DCLK1: variants seen among roughly 807,000 people sequenced by gnomAD.
DCLK1 encodes serine/threonine-protein kinase DCLK1.
DCLK1 carries 16 observed loss-of-function variants against 86.2 expected under a neutral mutation model. The ratio of observed to expected loss-of-function variants is 0.19; its 90% CI spans 0.13 to 0.28. DCLK1 has a LOEUF of 0.28. DCLK1 is among the 10% of genes least tolerant of loss of function. The pLI, the probability that DCLK1 is intolerant of heterozygous loss-of-function variation, is 1.00. For missense variants in DCLK1, 590 were observed against 940.2 expected (o/e 0.63, Z 4.87); for synonymous variants, 369 against 370.5 (o/e 1.00, Z 0.05).
intron 2 of DCLK1, 89 bp downstream of exon 2, chr13:36,125,673 G>C (rs1886145973): frequency 6.6e-7 from 1 of 1,509,838 alleles, no homozygotes; most frequent in Non-Finnish European, 8.8e-7. Flanking sequence ...AATGTCAACT[G>C]TCAGAGGGCA....
At chr13:35,844,748 AT>A (rs1279413167) in intron 6 of DCLK1, among the ~76,000 whole-genome samples, 2 of 152,228 alleles carry the variant, frequency 1.3e-5, no homozygotes, top group Non-Finnish European at 2.9e-5. Context: ...ACAATTTGAA[AT>A]TTTTATAAAT....
At chr13:35,834,874 T>C (rs560230478) in intron 8 of DCLK1, among the ~76,000 whole-genome samples, 1 of 152,258 alleles carries the variant, frequency 6.6e-6, no homozygotes, top group South Asian at 2.1e-4. Flanking sequence ...TAGAACAAGG[T>C]TTGAGATCCT....
intron 3 of DCLK1, among the ~76,000 whole-genome samples, chr13:35,977,465 A>C (rs1336613876): frequency 6.6e-6 from 1 of 152,224 alleles, no homozygotes; most frequent in Non-Finnish European, 1.5e-5. Flanking sequence ...AATGACTATC[A>C]CGAAGCCCTT....
chr13:35,937,508 TG>T (rs1393440677), intron 4 of DCLK1, among the ~76,000 whole-genome samples: 2 of 152,062 alleles, frequency 1.3e-5, no homozygotes, highest in Non-Finnish European at 2.9e-5. Context: ...CATGCTACAT[TG>T]GGATCTAGCT....
Position 36,080,197 on chromosome 13 carries a change from G to A in DCLK1, c.723+31672C>T, listed in dbSNP as rs117749384. On this transcript the variant is annotated intron_variant, in intron 3 of 16. Transcript: ENST00000360631. ...AGGTAACTGAGAGTTAATGAAGAAG[G>A]AAGGTGAGAAAGGAGAGCAAGGCCT... Among the ~76,000 whole-genome samples the A allele has an allele frequency of 4.0e-4, 61 of 152,312 alleles. 3 individuals carry two copies. In the East Asian group the frequency reaches 0.012, roughly 29 times the overall value.
intron 16 of DCLK1, among the ~76,000 whole-genome samples, chr13:35,776,492 G>C (rs2086427067): frequency 6.6e-6 from 1 of 152,194 alleles, no homozygotes; most frequent in South Asian, 2.1e-4. Flanking sequence ...ATGTGGGGAA[G>C]AAAAGCACAT....
At chr13:35,886,641 G>A (rs1223527986) in intron 4 of DCLK1, among the ~76,000 whole-genome samples, 6 of 152,118 alleles carry the variant, frequency 3.9e-5, no homozygotes, top group African/African-American at 7.2e-5. Flanking sequence ...TAGGCTGCTC[G>A]TTGAAGAAAG....
At chr13:35,786,955 A>C (rs903319706) in intron 16 of DCLK1, among the ~76,000 whole-genome samples, 1 of 152,082 alleles carries the variant, frequency 6.6e-6, no homozygotes, top group African/African-American at 2.4e-5. Context: ...GGAAATGATC[A>C]TGATTTTAGT....
intron 4 of DCLK1, among the ~76,000 whole-genome samples, chr13:35,940,014 T>A (rs1876990895): frequency 1.3e-5 from 2 of 151,978 alleles, no homozygotes; most frequent in Admixed American, 1.3e-4. Context: ...ATATTAAACG[T>A]CTGTATGGAT....
intron 6 of DCLK1, chr13:35,848,926 CT>C: frequency 1.0e-6 from 1 of 985,308 alleles, no homozygotes; most frequent in Non-Finnish European, 1.2e-6. Flanking sequence ...ATAAAGCAGC[CT>C]TTTGATCTCA....
chr13:35,890,314 C>T (rs903886694), intron 4 of DCLK1, among the ~76,000 whole-genome samples: 19 of 151,980 alleles, frequency 1.3e-4, no homozygotes, highest in Admixed American at 2.6e-4. Context: ...ATGTGTTTTC[C>T]GGTATAAAAA....
chr13:36,028,056 G>A lies in DCLK1; in HGVS notation c.724-80599C>T, dbSNP rs572036315. ...AAATACCTATATTCTGTTGTTTGTT[G>A]TGATTCATATTTGATTTTTAAGTTA... On this transcript the variant is annotated intron_variant, in intron 3 of 16. Coordinates refer to ENST00000360631, the MANE Select transcript of DCLK1 (RefSeq NM_001330071.2). Among the ~76,000 whole-genome samples the A allele has an allele frequency of 1.1e-4, 17 of 152,246 alleles. No individual in the cohort carries two copies. The South Asian group carries it at 3.5e-3, about 32-fold the overall frequency.
chr13:35,914,046 G>A (rs1875214500), intron 4 of DCLK1, among the ~76,000 whole-genome samples: 1 of 152,092 alleles, frequency 6.6e-6, no homozygotes. Flanking sequence ...GGCTGGGCAC[G>A]ATGGCTCATG....
At chr13:36,056,535 G>A (rs1319532500) in intron 3 of DCLK1, among the ~76,000 whole-genome samples, 2 of 137,674 alleles carry the variant, frequency 1.5e-5, no homozygotes, top group East Asian at 4.3e-4. Flanking sequence ...GTTAGTGGGT[G>A]CAGCGCACCA....
At chr13:36,073,945 A>C (rs1170335808) in intron 3 of DCLK1, among the ~76,000 whole-genome samples, 1 of 152,162 alleles carries the variant, frequency 6.6e-6, no homozygotes, top group Non-Finnish European at 1.5e-5. Flanking sequence ...TTCTATAAGA[A>C]CTATAATATC....
chr13:35,898,317 G>A (rs1308955755), intron 4 of DCLK1, among the ~76,000 whole-genome samples: 1 of 152,184 alleles, frequency 6.6e-6, no homozygotes, highest in Non-Finnish European at 1.5e-5. Flanking sequence ...TCCCGGAAAA[G>A]CTACAGGAAA....
chr13:36,091,354 T>C (rs1884821737), intron 3 of DCLK1, among the ~76,000 whole-genome samples: 1 of 152,124 alleles, frequency 6.6e-6, no homozygotes. Context: ...TCCCAGAACT[T>C]AAAGTAAAAT....
At chr13:35,835,100 G>C (rs1309889161) in intron 8 of DCLK1, among the ~76,000 whole-genome samples, 1 of 152,144 alleles carries the variant, frequency 6.6e-6, no homozygotes, top group Non-Finnish European at 1.5e-5. Context: ...GATCTTCCAG[G>C]CCAAAGCCTT....
intron 4 of DCLK1, among the ~76,000 whole-genome samples, chr13:35,943,837 C>T (rs1035520697): frequency 2.0e-5 from 3 of 152,110 alleles, no homozygotes; most frequent in South Asian, 4.2e-4. Context: ...AGAAGCAAAA[C>T]CATGTTGAGC....
Sources: allele counts gnomAD v4.1 joint callset (sites outside exome capture counted in the v4.1 genomes callset), GRCh38; gene constraint gnomAD v4.1.1; transcripts MANE v1.5; gene names NCBI Gene and HGNC (gene_info 2026-07-23, HGNC 2026-07-21).